The following LRRTM3 variants were observed in gnomAD, a reference collection of about 807,000 sequenced individuals.
The protein encoded by LRRTM3 is leucine rich repeat transmembrane neuronal 3.
A neutral mutation model predicts 44.7 loss-of-function variants in LRRTM3; 24 were observed. That is an observed-to-expected ratio of 0.54 (90% CI 0.39 to 0.76). LRRTM3 has a LOEUF of 0.76. LRRTM3 is among the 30% of genes least tolerant of loss of function. LRRTM3 has a pLI of 0.00. For missense variants in LRRTM3, 587 were observed against 702.2 expected (o/e 0.84, Z 1.85); for synonymous variants, 277 against 278.7 (o/e 0.99, Z 0.06).
At chr10:67,043,979 A>G (rs989650439) in intron 2 of LRRTM3, among the ~76,000 whole-genome samples, 8 of 151,806 alleles carry the variant, frequency 5.3e-5, no homozygotes, top group African/African-American at 1.7e-4. Context: ...GGGTACATGG[A>G]CAGGTTTGTT....
chr10:67,005,703 T>TTTTTTTTTTTTTTTTTTGTTG (rs1417141930), intron 2 of LRRTM3, among the ~76,000 whole-genome samples: 1 of 136,146 alleles, frequency 7.3e-6, no homozygotes, highest in African/African-American at 2.9e-5. Flanking sequence ...TTTTTTTTTT[T>TTTTTTTTTTTTTTTTTTGTTG]GAGACGGAGT....
intron 2 of LRRTM3, among the ~76,000 whole-genome samples, chr10:67,041,300 G>A (rs1055841978): frequency 1.2e-4 from 18 of 152,086 alleles, no homozygotes; most frequent in African/African-American, 4.1e-4. Context: ...GCCTTATGGA[G>A]AGTTAAGGCT....
chr10:67,100,308 C>A lies in LRRTM3; in HGVS notation c.*2512C>A, dbSNP rs1039791187. Among the ~76,000 whole-genome samples the A allele has an allele frequency of 2.6e-5, 4 of 151,632 alleles. No homozygotes were observed. Reference sequence around the variant, plus strand: ...AGGCCCTAAGCTACACCAAATACGCCAGGAATTTTGAGACTTCTCATCTTT... The same window carrying A: ...AGGCCCTAAGCTACACCAAATACGCAAGGAATTTTGAGACTTCTCATCTTT... On this transcript the variant is annotated 3_prime_UTR_variant, in exon 3 of 3. Transcript: ENST00000361320.
intron 2 of LRRTM3, among the ~76,000 whole-genome samples, chr10:66,954,465 G>A (rs1333747797): frequency 6.6e-6 from 1 of 152,086 alleles, no homozygotes; most frequent in Non-Finnish European, 1.5e-5. Context: ...CTATGTACAG[G>A]AGAGCATGTT....
At chr10:66,985,704 C>T (rs1248027762) in intron 2 of LRRTM3, among the ~76,000 whole-genome samples, 1 of 152,010 alleles carries the variant, frequency 6.6e-6, no homozygotes, top group East Asian at 1.9e-4. Context: ...CACTTCCTAC[C>T]ACATTCTTTC....
intron 2 of LRRTM3, among the ~76,000 whole-genome samples, chr10:67,090,773 C>T (rs577635560): frequency 6.6e-6 from 1 of 152,182 alleles, no homozygotes; most frequent in African/African-American, 2.4e-5. Context: ...ATGCCCACAG[C>T]TTCTTCAGGT....
chr10:67,097,412 T>C (rs1049573046), intron 2 of LRRTM3, among the ~76,000 whole-genome samples, 175 bp from the exon 3 acceptor site: 1 of 151,898 alleles, frequency 6.6e-6, no homozygotes, highest in Non-Finnish European at 1.5e-5. Context: ...ACTGTTGCAC[T>C]GATCTCACCA....
chr10:67,051,632 T>C (rs1191996368), intron 2 of LRRTM3, among the ~76,000 whole-genome samples: 2 of 151,984 alleles, frequency 1.3e-5, no homozygotes, highest in African/African-American at 4.8e-5. Flanking sequence ...TCTTGATCTT[T>C]TGACCTCATG....
chr10:67,085,829 T>C (rs1212017828), intron 2 of LRRTM3, among the ~76,000 whole-genome samples: 1 of 151,990 alleles, frequency 6.6e-6, no homozygotes. Flanking sequence ...CTCTATTGAA[T>C]TTACAATCTA....
At chr10:66,987,738 A>C (rs577316783) in intron 2 of LRRTM3, among the ~76,000 whole-genome samples, 14 of 152,344 alleles carry the variant, frequency 9.2e-5, no homozygotes, top group African/African-American at 3.4e-4. Context: ...TGGCAAAATA[A>C]AAATTATGAA....
chr10:67,011,677 AAT>A (rs890883567), intron 2 of LRRTM3, among the ~76,000 whole-genome samples: 2 of 152,222 alleles, frequency 1.3e-5, no homozygotes, highest in East Asian at 1.9e-4. Flanking sequence ...GACGATAGCA[AAT>A]ATATAGAGTG....
At position 66,932,680 on chromosome 10, in the gene LRRTM3, C is replaced by T. The variant is rs895249371; in HGVS notation, c.1536+4228C>T. Among the ~76,000 whole-genome samples the T allele has an allele frequency of 2.8e-4, 32 of 115,598 alleles. 1 individual carries two copies. The highest frequency in any genetic ancestry group is 7.7e-4 in the African/African-American group (28 of 36,534). 75.8% of individuals were successfully genotyped at this position (115,598 alleles called of 152,430 possible). A position where few individuals can be genotyped will look rare whatever the true frequency, so the allele number is the denominator to read the frequency against. On this transcript the variant is annotated intron_variant, in intron 2 of 2. Coordinates refer to ENST00000361320, the MANE Select transcript of LRRTM3 (RefSeq NM_178011.5). ...ATGTTAAATAGTTTGTATCAAATAGCTCTAATTAAAAATGAATTAAAGAAA... is the reference window on the plus strand; with the variant it reads ...ATGTTAAATAGTTTGTATCAAATAGTTCTAATTAAAAATGAATTAAAGAAA...
At position 66,991,320 on chromosome 10, in the gene LRRTM3, A is replaced by G. The variant is rs181077368; in HGVS notation, c.1536+62868A>G. Among the ~76,000 whole-genome samples the G allele has an allele frequency of 8.9e-4, 135 of 152,320 alleles. No individual in the cohort carries two copies. The Middle Eastern group carries it at 0.02, about 23-fold the overall frequency. On this transcript the variant is annotated intron_variant, in intron 2 of 2. Transcript: ENST00000361320. ...TTCTAAGTGCCAATGTCCAGGAATT[A>G]GTTTGCTTTTCTGAAATAATATTTA...
chr10:67,026,652 G>C (rs1263278820), intron 2 of LRRTM3, among the ~76,000 whole-genome samples: 1 of 152,018 alleles, frequency 6.6e-6, no homozygotes, highest in Non-Finnish European at 1.5e-5. Flanking sequence ...TTAAACCCTG[G>C]GAGGAAACCA....
intron 2 of LRRTM3, among the ~76,000 whole-genome samples, chr10:66,965,735 T>A (rs1409383593): frequency 6.6e-6 from 1 of 152,096 alleles, no homozygotes; most frequent in African/African-American, 2.4e-5. Flanking sequence ...CATCTTCTTT[T>A]ATTTCTTTGC....
At chr10:66,981,194 G>A (rs117179380) in intron 2 of LRRTM3, among the ~76,000 whole-genome samples, 4,916 of 152,232 alleles carry the variant, frequency 0.032, 98 homozygotes, top group Non-Finnish European at 0.048. Context: ...GTGAGCCACC[G>A]CGCCCAGCCA....
At chr10:66,959,999 T>C (rs977728923) in intron 2 of LRRTM3, among the ~76,000 whole-genome samples, 1 of 152,120 alleles carries the variant, frequency 6.6e-6, no homozygotes, top group African/African-American at 2.4e-5. Context: ...ACTGAGTTTA[T>C]AATTGTTTCC....
intron 2 of LRRTM3, among the ~76,000 whole-genome samples, chr10:67,081,359 A>G (rs542533066): frequency 1.3e-5 from 2 of 152,338 alleles, no homozygotes; most frequent in Admixed American, 6.5e-5. Context: ...CAGTAGTAAT[A>G]CAATCATCTC....
chr10:67,018,020 C>T (rs951108333), intron 2 of LRRTM3, among the ~76,000 whole-genome samples: 23 of 152,136 alleles, frequency 1.5e-4, no homozygotes, highest in African/African-American at 5.3e-4. Context: ...GATCTGCCCA[C>T]CTTGGCCTCC....
Sources: gnomAD v4.1 joint callset for allele counts (sites outside exome capture counted in the v4.1 genomes callset) on GRCh38, gnomAD v4.1.1 for gene constraint, MANE v1.5 for transcripts, NCBI Gene and HGNC (gene_info 2026-07-23, HGNC 2026-07-21) for gene names.